The following ARHGAP22 variants were observed in gnomAD, a reference collection of about 807,000 sequenced individuals.
The protein encoded by ARHGAP22 is Rho GTPase activating protein 22.
Under a neutral mutation model 59.1 loss-of-function variants are expected in ARHGAP22, and 48 were observed. That is an observed-to-expected ratio of 0.81 (90% CI 0.64 to 1.03). ARHGAP22 has a LOEUF of 1.03. Ranked by LOEUF, ARHGAP22 falls within the 50% of genes least tolerant of loss-of-function variation. The pLI, the probability that ARHGAP22 is intolerant of heterozygous loss-of-function variation, is 0.00. For missense variants in ARHGAP22, 1,015 were observed against 958.7 expected, an observed-to-expected ratio of 1.06 and a Z score of -0.78; for synonymous variants, 445 against 416.4, an observed-to-expected ratio of 1.07 and a Z score of -0.84.
downstream of ARHGAP22, among the ~76,000 whole-genome samples, chr10:48,442,583 C>T (rs2045228474): frequency 6.6e-6 from 1 of 152,086 alleles, no homozygotes. Flanking sequence ...ACCAATGAAC[C>T]CACGTGCTGA....
chr10:48,451,199 C>T (rs1319514544), intron 8 of ARHGAP22, 59 bp from the exon 9 acceptor site: 30 of 1,548,354 alleles, frequency 1.9e-5, no homozygotes, highest in Non-Finnish European at 2.6e-5. Flanking sequence ...CAGGCTCGCT[C>T]TGCCAGTCAT....
chr10:48,611,300 A>AGGAG (rs2060874603), intron 1 of ARHGAP22, among the ~76,000 whole-genome samples: 1 of 152,150 alleles, frequency 6.6e-6, no homozygotes. Flanking sequence ...CCCTGCTTAC[A>AGGAG]GGAGTTAGAG....
At chr10:48,447,580 C>T (rs2045490363) in intron 9 of ARHGAP22, among the ~76,000 whole-genome samples, 1 of 152,200 alleles carries the variant, frequency 6.6e-6, no homozygotes, top group Non-Finnish European at 1.5e-5. Flanking sequence ...CCCTCCCTAC[C>T]AGGATCACAG....
chr10:48,551,363 G>A (rs1349868380), intron 3 of ARHGAP22, among the ~76,000 whole-genome samples: 2 of 152,218 alleles, frequency 1.3e-5, no homozygotes, highest in African/African-American at 4.8e-5. Flanking sequence ...GTCCCACAGA[G>A]GCTTCACATT....
intron 2 of ARHGAP22, among the ~76,000 whole-genome samples, chr10:48,575,904 C>T (rs1054094904): frequency 6.6e-6 from 1 of 152,200 alleles, no homozygotes; most frequent in Non-Finnish European, 1.5e-5. Context: ...ATCTAAGTGG[C>T]CTTTCTGCTT....
chr10:48,604,578 C>T (rs1280233507), intron 1 of ARHGAP22, among the ~76,000 whole-genome samples, 185 bp downstream of exon 1: 1 of 152,220 alleles, frequency 6.6e-6, no homozygotes, highest in Non-Finnish European at 1.5e-5. Flanking sequence ...CAGGTCGTGT[C>T]CCCACCCAGC....
At chr10:48,623,685 G>A (rs1351068649) in intron 1 of ARHGAP22, among the ~76,000 whole-genome samples, 1 of 152,104 alleles carries the variant, frequency 6.6e-6, no homozygotes, top group Non-Finnish European at 1.5e-5. Flanking sequence ...AAGAACCCTG[G>A]ACCCCTCACC....
chr10:48,608,095 C>G (rs556345006), upstream of ARHGAP22, among the ~76,000 whole-genome samples: 1 of 152,292 alleles, frequency 6.6e-6, no homozygotes, highest in Admixed American at 6.5e-5. Flanking sequence ...TGTAAAAGCT[C>G]CTCTAGGGAT....
intron 4 of ARHGAP22, among the ~76,000 whole-genome samples, chr10:48,461,381 G>C (rs2047120303): frequency 6.6e-6 from 1 of 152,196 alleles, no homozygotes. Flanking sequence ...TGCTTACCCA[G>C]TTATGTTCCT....
chr10:48,505,370 T>G (rs905286968), intron 3 of ARHGAP22, among the ~76,000 whole-genome samples: 1 of 152,166 alleles, frequency 6.6e-6, no homozygotes, highest in Non-Finnish European at 1.5e-5. Context: ...ATTGTAAGCA[T>G]CAAACAAAAT....
intron 1 of ARHGAP22, among the ~76,000 whole-genome samples, chr10:48,585,702 G>T (rs1458031457): frequency 2.0e-5 from 3 of 152,172 alleles, no homozygotes; most frequent in African/African-American, 7.2e-5. Context: ...AGACTGTCTA[G>T]GTCCTCACCC....
chr10:48,606,841 C>T (rs946497382), upstream of ARHGAP22, among the ~76,000 whole-genome samples: 4 of 152,180 alleles, frequency 2.6e-5, no homozygotes, highest in Non-Finnish European at 5.9e-5. Context: ...TTATCTATGT[C>T]CCTGTACTGC....
At chr10:48,541,384 C>T (rs891044607) in intron 3 of ARHGAP22, among the ~76,000 whole-genome samples, 1 of 152,238 alleles carries the variant, frequency 6.6e-6, no homozygotes, top group African/African-American at 2.4e-5. Context: ...CTGCGCATCA[C>T]CCCTTCCTGC....
chr10:48,513,602 C>T (rs1464636259), intron 3 of ARHGAP22, among the ~76,000 whole-genome samples: 1 of 152,164 alleles, frequency 6.6e-6, no homozygotes, highest in Admixed American at 6.5e-5. Context: ...CTGCATACAA[C>T]AGGGAACACA....
intron 3 of ARHGAP22, among the ~76,000 whole-genome samples, chr10:48,518,194 C>T (rs1274242309): frequency 2.0e-5 from 3 of 152,114 alleles, no homozygotes; most frequent in East Asian, 3.9e-4. Flanking sequence ...CGGCAAGGCT[C>T]GACCACATCC....
intron 2 of ARHGAP22, among the ~76,000 whole-genome samples, chr10:48,574,448 A>G (rs566816904): frequency 6.6e-6 from 1 of 152,370 alleles, no homozygotes; most frequent in African/African-American, 2.4e-5. Context: ...TAATGCAATA[A>G]TAATAGCAGT....
intron 1 of ARHGAP22, among the ~76,000 whole-genome samples, chr10:48,622,068 T>A (rs761992282): frequency 6.6e-6 from 1 of 152,336 alleles, no homozygotes; most frequent in Non-Finnish European, 1.5e-5. Context: ...TATTGTTGGA[T>A]CATGTGGCTT....
chr10:48,486,387 G>C (rs1589687886), intron 3 of ARHGAP22, among the ~76,000 whole-genome samples: 1 of 151,338 alleles, frequency 6.6e-6, no homozygotes, highest in Non-Finnish European at 1.5e-5. Flanking sequence ...ACCCAGGCTG[G>C]AGTGGAGTGG....
At chr10:48,462,575 C>T (rs1410876847) in intron 4 of ARHGAP22, among the ~76,000 whole-genome samples, 1 of 152,192 alleles carries the variant, frequency 6.6e-6, no homozygotes, top group African/African-American at 2.4e-5. Flanking sequence ...TGCTTGGCAC[C>T]CATGTTGGTG....
Sources: gnomAD v4.1 joint callset for allele counts (sites outside exome capture counted in the v4.1 genomes callset) on GRCh38, gnomAD v4.1.1 for gene constraint, MANE v1.5 for transcripts, NCBI Gene and HGNC (gene_info 2026-07-23, HGNC 2026-07-21) for gene names.